Variants in NKAIN1 observed in about 807,000 individuals in gnomAD.
The protein encoded by NKAIN1 is sodium/potassium-transporting ATPase subunit beta-1-interacting protein 1.
A neutral mutation model predicts 31.6 loss-of-function variants in NKAIN1; 13 were observed. That is an observed-to-expected ratio of 0.41 (90% CI 0.27 to 0.65). NKAIN1 has a LOEUF of 0.65. Among genes scored for constraint, NKAIN1 ranks in the 30% least tolerant of loss-of-function variants. The pLI, the probability that NKAIN1 is intolerant of heterozygous loss-of-function variation, is 0.30. For synonymous variants in NKAIN1, 104 were observed against 109.0 expected (o/e 0.95, Z 0.28); for missense variants, 193 against 262.2 (o/e 0.74, Z 1.82).
chr1:31,215,537 G>T lies in NKAIN1; in HGVS notation c.54+23957C>A, dbSNP rs572363843. ...CAGTCTGGTGTCCTTCCCTGGCACTGAACTACTCATTCCTATGCTGAAGCT... is the reference window on the plus strand; with the variant it reads ...CAGTCTGGTGTCCTTCCCTGGCACTTAACTACTCATTCCTATGCTGAAGCT... On this transcript the variant is annotated intron_variant, in intron 1 of 6. Transcript: ENST00000373736. Among the ~76,000 whole-genome samples the T allele has an allele frequency of 1.6e-4, 25 of 152,296 alleles. 2 individuals are homozygous for T. Among genetic ancestry groups the T allele is most frequent in the African/African-American group, 4.6e-4 (19 of 41,548 alleles).
At chr1:31,188,883 C>T (rs191240120) in intron 1 of NKAIN1, among the ~76,000 whole-genome samples, 40 of 152,086 alleles carry the variant, frequency 2.6e-4, no homozygotes, top group African/African-American at 8.0e-4. Context: ...TGTGGTGGTG[C>T]GCACCTGTAG....
At chr1:31,200,745 G>A (rs1188704964) in intron 1 of NKAIN1, among the ~76,000 whole-genome samples, 2 of 152,090 alleles carry the variant, frequency 1.3e-5, no homozygotes, top group South Asian at 4.1e-4. Flanking sequence ...TTACAGGTGT[G>A]AGCCACTGTG....
chr1:31,211,099 G>C (rs1240540486), intron 1 of NKAIN1, among the ~76,000 whole-genome samples: 1 of 152,230 alleles, frequency 6.6e-6, no homozygotes, highest in Non-Finnish European at 1.5e-5. Context: ...TCAGGAACAA[G>C]ACAGGGATGT....
rs563380351 is a variant in NKAIN1, at chr1:31,181,396, A to G, written c.*307T>C. ...GAGTGAAAGGGAGAGGCTGGAGAAG[A>G]GAGGAAGGCCCCAGCTCACGCCAAG... On this transcript the variant is annotated 3_prime_UTR_variant, in exon 7 of 7. Transcript: ENST00000373736. 17 of 339,130 alleles carry G rather than the reference A, an allele frequency of 5.0e-5. 1 individual carries two copies. In the East Asian group the frequency reaches 7.1e-4, roughly 14 times the overall value. The allele number at this position is 339,130 out of a possible 1,614,324, so 21.0% of individuals were successfully genotyped here. A position where few individuals can be genotyped will look rare whatever the true frequency, so the allele number is the denominator to read the frequency against.
chr1:31,200,458 C>CTTTT lies in NKAIN1; in HGVS notation c.55-12275_55-12272dup, dbSNP rs3081712. Among the ~76,000 whole-genome samples the CTTTT allele has an allele frequency of 5.3e-3, 645 of 121,848 alleles. 15 individuals are homozygous for CTTTT. Among genetic ancestry groups the CTTTT allele is most frequent in the African/African-American group, 0.019 (611 of 31,930 alleles). 79.9% of individuals were successfully genotyped at this position (121,848 alleles called of 152,430 possible). ...AAGTTGGACCAGAAGTCTCCTCTCT[C>CTTTT]TTTTTTTTTTTTTTTTTTTGAGACA... On this transcript the variant is annotated intron_variant, in intron 1 of 6. Coordinates refer to ENST00000373736, the MANE Select transcript of NKAIN1 (RefSeq NM_024522.3).
At chr1:31,218,015 A>ATTTTCT (rs1557659852) in intron 1 of NKAIN1, among the ~76,000 whole-genome samples, 13 of 66,272 alleles carry the variant, frequency 2.0e-4, no homozygotes, top group South Asian at 1.2e-3. Flanking sequence ...AGCAGCTACC[A>ATTTTCT]TTTTCTTTCT....
In NKAIN1 at chr1:31,188,134, G is replaced by A; in HGVS notation, c.108C>T (p.Pro36=). ...IFDFLGYQWA[P]ILANFLHIMA... is the part of the protein sequence containing the mutation. ...TGATGTGCAGGAAGTTGGCTAGGAT[G>A]GGAGCCCACTGGTAGCCCAGGAAGT... is the stretch of plus-strand genomic sequence containing the variant. The change falls in exon 2 of 7, where the codon CCC becomes CCT. Residue 36 remains proline (P), a synonymous_variant. Transcript: ENST00000373736. 1 of 1,552,142 alleles carries A rather than the reference G, an allele frequency of 6.4e-7. No individual in the cohort carries two copies. The highest frequency in any genetic ancestry group is 1.2e-5 in the South Asian group (1 of 84,074).
rs547438517 is a variant in NKAIN1, at chr1:31,187,586, G to A, written c.192+464C>T. Among the ~76,000 whole-genome samples the A allele has an allele frequency of 6.6e-5, 10 of 152,226 alleles. No individual in the cohort carries two copies. In the East Asian group the frequency reaches 1.2e-3, roughly 18 times the overall value. On this transcript the variant is annotated intron_variant, in intron 2 of 6. Transcript: ENST00000373736. ...CTTGCGCCCACCCCTTCCTGAGGCCGTGTGGTGCCGCAGCAGGAGCCTTCA... is the reference window on the plus strand; with the variant it reads ...CTTGCGCCCACCCCTTCCTGAGGCCATGTGGTGCCGCAGCAGGAGCCTTCA...
chr1:31,201,976 G>A (rs897924568), intron 1 of NKAIN1, among the ~76,000 whole-genome samples: 15 of 152,138 alleles, frequency 9.9e-5, no homozygotes, highest in African/African-American at 2.4e-4. Context: ...CTCCTGCTGC[G>A]GCCCAGCCCT....
intron 1 of NKAIN1, among the ~76,000 whole-genome samples, chr1:31,207,337 C>CA (rs1645432864): frequency 6.6e-6 from 1 of 152,170 alleles, no homozygotes; most frequent in Non-Finnish European, 1.5e-5. Flanking sequence ...TAACAGTACC[C>CA]ATTTCAAGCG....
chr1:31,213,476 G>A (rs1442203081), intron 1 of NKAIN1, among the ~76,000 whole-genome samples: 1 of 152,168 alleles, frequency 6.6e-6, no homozygotes, highest in African/African-American at 2.4e-5. Context: ...TGTTGCTGGT[G>A]GAAATGTAAA....
At chr1:31,184,722 T>C (rs1645228945) in intron 3 of NKAIN1, among the ~76,000 whole-genome samples, 1 of 152,332 alleles carries the variant, frequency 6.6e-6, no homozygotes, top group East Asian at 1.9e-4. Context: ...GCCTCTTTTA[T>C]ATCTAAAAAT....
intron 1 of NKAIN1, among the ~76,000 whole-genome samples, chr1:31,218,035 T>TCTTTCTTTCTTTCTTTCTTC (rs1491280390): frequency 1.0e-5 from 1 of 99,364 alleles, no homozygotes; most frequent in Non-Finnish European, 1.9e-5. Flanking sequence ...TTTCTTTCTT[T>TCTTTCTTTCTTTCTTTCTTC]CTTTCTTTCT....
chr1:31,231,260 C>T (rs1645645608), intron 1 of NKAIN1, among the ~76,000 whole-genome samples: 1 of 151,662 alleles, frequency 6.6e-6, no homozygotes, highest in African/African-American at 2.4e-5. Context: ...TTTATTCATC[C>T]TATCTAACCA....
In NKAIN1 at chr1:31,233,908, A is replaced by C. The variant is rs1645675872; in HGVS notation, c.54+5586T>G. 6.6e-6 allele frequency among the ~76,000 whole-genome samples: 1 copy of C among 152,194 alleles called. No individual in the cohort carries two copies. The highest frequency in any genetic ancestry group is 2.4e-5 in the African/African-American group (1 of 41,450). ...CAGAGAGGGTGCAGGACTTCCTGGG[A>C]GTCACAAAGCAAGGCCTGATCCCAG... is the stretch of plus-strand genomic sequence containing the variant. On this transcript the variant is annotated intron_variant, in intron 1 of 6. Transcript: ENST00000373736. This position sits in a 1 kb window ranked among gnomAD's most constrained non-coding sequence, Gnocchi z 4.0.
chr1:31,204,622 C>T (rs540331597), intron 1 of NKAIN1, among the ~76,000 whole-genome samples: 1 of 152,266 alleles, frequency 6.6e-6, no homozygotes, highest in East Asian at 1.9e-4. Flanking sequence ...TCAGCAAAAA[C>T]AAGGCTCTCC....
At position 31,188,068 on chromosome 1, in the gene NKAIN1, G is replaced by T. The variant is rs1284339871; in HGVS notation, c.174C>A (p.Arg58=). Reference sequence around the variant, plus strand: ...GCCGTACCAGGATGAGGTACCGGGAGCGGTACTGCACGGTGCCAAAGATGC... The same window carrying T: ...GCCGTACCAGGATGAGGTACCGGGATCGGTACTGCACGGTGCCAAAGATGC... The part of the protein sequence containing the change: ...ILGIFGTVQY[R]SRYLILYAAW... Residue 58 remains arginine (R), a synonymous_variant, in exon 2 of 7, where the codon CGC becomes CGA. Coordinates refer to ENST00000373736, the MANE Select transcript of NKAIN1 (RefSeq NM_024522.3). The T allele has an allele frequency of 3.2e-6, 5 of 1,553,730 alleles. No individual in the cohort carries two copies. In the Admixed American group the frequency reaches 7.8e-5, roughly 24 times the overall value.
In NKAIN1 at chr1:31,233,850, T is replaced by G. The variant is rs1323619004; in HGVS notation, c.54+5644A>C. 6.6e-6 allele frequency among the ~76,000 whole-genome samples: 1 copy of G among 152,230 alleles called. No homozygotes were observed. Among genetic ancestry groups the G allele is most frequent in the African/African-American group, 2.4e-5 (1 of 41,456 alleles). On this transcript the variant is annotated intron_variant, in intron 1 of 6. Coordinates refer to ENST00000373736, the MANE Select transcript of NKAIN1 (RefSeq NM_024522.3). The surrounding 1 kb of genome is among the most constrained non-coding windows in gnomAD (Gnocchi z 4.0). ...TCGTTCGTGGGGTAGAAGCTGTTTT[T>G]CTGACTACTTTGTAAGTAAGAAGGC...
At position 31,181,663 on chromosome 1, in the gene NKAIN1, C is replaced by A. The variant is rs766017812; in HGVS notation, c.*40G>T. The A allele has an allele frequency of 1.3e-5, 19 of 1,433,796 alleles. No homozygotes were observed. The African/African-American group carries it at 1.7e-4, about 13-fold the overall frequency. The allele number at this position is 1,433,796 out of a possible 1,614,324, so 88.8% of individuals were successfully genotyped here. A position where few individuals can be genotyped will look rare whatever the true frequency, so the allele number is the denominator to read the frequency against. On this transcript the variant is annotated 3_prime_UTR_variant, in exon 7 of 7. Transcript: ENST00000373736. ...GGCCCGAGCTCGCGGCAGCTGCGGT[C>A]AGCCCAGGGCGAGGCGCCGGGGTGG...
Sources: gnomAD v4.1 joint callset for allele counts (sites outside exome capture counted in the v4.1 genomes callset) on GRCh38, gnomAD v4.1.1 for gene constraint, Gnocchi (gnomAD v3.1) non-coding constraint, MANE v1.5 for transcripts, NCBI Gene and HGNC (gene_info 2026-07-23, HGNC 2026-07-21) for gene names.